CIB4: variants seen among roughly 807,000 people sequenced by gnomAD.
CIB4 encodes the protein calcium and integrin binding family member 4, also known as calcium and integrin-binding family member 4.
CIB4 carries 25 observed loss-of-function variants against 25.8 expected under a neutral mutation model. The ratio of observed to expected loss-of-function variants is 0.97; its 90% CI spans 0.71 to 1.35. The LOEUF (loss-of-function observed/expected upper bound fraction) is 1.35. Ranked by LOEUF, CIB4 falls within the 40% of genes most tolerant of loss-of-function variation. The probability of loss-of-function intolerance (pLI) is 0.00; values close to 1 mark genes in which losing one functional copy is unlikely to be tolerated. For missense variants in CIB4, 235 were observed against 228.2 expected, an observed-to-expected ratio of 1.03 and a Z score of -0.19; for synonymous variants, 75 against 81.4, an observed-to-expected ratio of 0.92 and a Z score of 0.42.
chr2:26,600,359 G>T (rs750366889), intron 3 of CIB4, among the ~76,000 whole-genome samples: 1 of 151,584 alleles, frequency 6.6e-6, no homozygotes, highest in Non-Finnish European at 1.5e-5. Context: ...AGCCGAGATC[G>T]TGCCACTGCA....
chr2:26,595,895 GCGCACACACA>G lies in CIB4; in HGVS notation c.187-588_187-579del, dbSNP rs869165746. Among the ~76,000 whole-genome samples, 12 of 148,522 alleles carry G rather than the reference GCGCACACACA, an allele frequency of 8.1e-5. No homozygotes were observed. The South Asian group carries it at 8.4e-4, about 10-fold the overall frequency. On this transcript the variant is annotated intron_variant, in intron 3 of 6. Transcript: ENST00000288861. ...GATCCATGTCACATGACTTATCTGCGCGCACACACACACACACACACACACACACACACAA... is the reference window on the plus strand; with the variant it reads ...GATCCATGTCACATGACTTATCTGCGCACACACACACACACACACACACAA...
chr2:26,607,825 G>A (rs1055971406), intron 3 of CIB4, among the ~76,000 whole-genome samples: 1 of 152,238 alleles, frequency 6.6e-6, no homozygotes, highest in Non-Finnish European at 1.5e-5. Context: ...CCTGCCTGCC[G>A]GAGGGCAGCA....
chr2:26,630,724 C>A (rs929385302), intron 2 of CIB4, among the ~76,000 whole-genome samples: 2 of 152,092 alleles, frequency 1.3e-5, no homozygotes, highest in African/African-American at 4.8e-5. Flanking sequence ...TAGTAAATCT[C>A]CCCCCACACA....
At chr2:26,635,962 A>T (rs1275925) in intron 2 of CIB4, among the ~76,000 whole-genome samples, 2 of 151,942 alleles carry the variant, frequency 1.3e-5, no homozygotes, top group Non-Finnish European at 2.9e-5. Flanking sequence ...CAAATACTCC[A>T]TACCCCACAC....
intron 3 of CIB4, among the ~76,000 whole-genome samples, chr2:26,620,141 T>C (rs900474284): frequency 8.7e-4 from 93 of 107,478 alleles, no homozygotes; most frequent in Middle Eastern, 7.0e-3. Context: ...AAGCCCACAG[T>C]GGGGAAGGTG....
chr2:26,589,105 T>C lies in CIB4; in HGVS notation c.329-5207A>G, dbSNP rs376294434. Among the ~76,000 whole-genome samples, 86 of 96,792 alleles carry C rather than the reference T, an allele frequency of 8.9e-4. 11 individuals carry two copies. The highest frequency in any genetic ancestry group is 2.7e-3 in the African/African-American group (55 of 20,458). 63.5% of individuals were successfully genotyped at this position (96,792 alleles called of 152,430 possible). ...CTTCTTCTTCTTCTTCTTCTTCTTC[T>C]TCCTCTTCTTCTTCTTCTTCTTCTT... On this transcript the variant is annotated intron_variant, in intron 4 of 6. Transcript: ENST00000288861.
At chr2:26,623,655 A>G in intron 3 of CIB4, 1 of 425,890 alleles carries the variant, frequency 2.3e-6, no homozygotes, top group South Asian at 1.8e-5. Flanking sequence ...TCTGTAACAG[A>G]TGGAATAAAA....
At chr2:26,593,293 T>C (rs986598966) in intron 4 of CIB4, among the ~76,000 whole-genome samples, 3 of 152,020 alleles carry the variant, frequency 2.0e-5, no homozygotes, top group African/African-American at 7.3e-5. Context: ...TTTCTAGATA[T>C]ATATGTAGAG....
rs1003895923 is a variant in CIB4, at chr2:26,612,192, C to G, written c.187-16875G>C. Among the ~76,000 whole-genome samples, 4 of 152,230 alleles carry G rather than the reference C, an allele frequency of 2.6e-5. 1 individual carries two copies. In the South Asian group the frequency reaches 8.3e-4, roughly 32 times the overall value. ...GGCTGAACCCAGGCAGAGCTGAACT[C>G]CTGGCTCCCAGACCCAGTGAGGGGC... On this transcript the variant is annotated intron_variant, in intron 3 of 6. Coordinates refer to ENST00000288861, the MANE Select transcript of CIB4 (RefSeq NM_001029881.3).
At chr2:26,606,084 A>G (rs1668884213) in intron 3 of CIB4, among the ~76,000 whole-genome samples, 1 of 152,194 alleles carries the variant, frequency 6.6e-6, no homozygotes, top group Admixed American at 6.5e-5. Flanking sequence ...TCCTTTGGGA[A>G]TGAAGACACA....
chr2:26,617,147 T>TGTGTGTGTGTGTGC lies in CIB4; in HGVS notation c.186+12262_186+12263insGCACACACACACAC, dbSNP rs10665609. ...GTGTGTGTGTGTGTGTGTGTGTGTG[T>TGTGTGTGTGTGTGC]GCACGTGAGCGTGGGTGGGCATGAT... On this transcript the variant is annotated intron_variant, in intron 3 of 6. Coordinates refer to ENST00000288861, the MANE Select transcript of CIB4 (RefSeq NM_001029881.3). 1.7e-3 allele frequency among the ~76,000 whole-genome samples: 253 copies of TGTGTGTGTGTGTGC among 150,520 alleles called. 2 individuals are homozygous for TGTGTGTGTGTGTGC. Among genetic ancestry groups the TGTGTGTGTGTGTGC allele is most frequent in the African/African-American group, 5.7e-3 (233 of 40,760 alleles).
chr2:26,595,084 C>T (rs932209211), intron 4 of CIB4, 92 bp downstream of exon 4: 25 of 1,263,262 alleles, frequency 2.0e-5, no homozygotes, highest in Non-Finnish European at 2.7e-5. Context: ...CCAGTTAATG[C>T]CATCCATCAA....
chr2:26,601,802 C>T (rs901211009), intron 3 of CIB4, among the ~76,000 whole-genome samples: 4 of 152,130 alleles, frequency 2.6e-5, no homozygotes, highest in Non-Finnish European at 5.9e-5. Flanking sequence ...CAATGGAATA[C>T]TACTCAGCAA....
chr2:26,589,051 TTCTTCTTCCTCTTCCTCTTCC>T (rs1558554791), intron 4 of CIB4, among the ~76,000 whole-genome samples: 44 of 51,376 alleles, frequency 8.6e-4, no homozygotes, highest in African/African-American at 2.7e-3. Context: ...CTTCTTCTTC[TTCTTCTTCCTCTTCCTCTTCC>T]TCTTCTTCTT....
chr2:26,588,890 CT>C (rs1169719244), intron 4 of CIB4, among the ~76,000 whole-genome samples: 1 of 152,082 alleles, frequency 6.6e-6, no homozygotes, highest in African/African-American at 2.4e-5. Context: ...ACCAGAGTGT[CT>C]CTCAGAGCAG....
intron 4 of CIB4, among the ~76,000 whole-genome samples, chr2:26,589,039 TTCTTCTTCTTCTTCTTCTTCC>T (rs1668517941): frequency 8.7e-5 from 4 of 45,734 alleles, no homozygotes; most frequent in African/African-American, 2.8e-4. Context: ...CTTCTTCTTC[TTCTTCTTCTTCTTCTTCTTCC>T]TCTTCCTCTT....
At chr2:26,590,206 A>G (rs917876713) in intron 4 of CIB4, among the ~76,000 whole-genome samples, 1 of 149,652 alleles carries the variant, frequency 6.7e-6, no homozygotes, top group East Asian at 2.0e-4. Context: ...AGGGACCAGG[A>G]CATACCCAAT....
intron 5 of CIB4, 57 bp downstream of exon 5, chr2:26,583,732 G>A (rs953276649): frequency 8.4e-7 from 1 of 1,190,138 alleles, no homozygotes; most frequent in African/African-American, 1.5e-5. Context: ...GGCTTTGGGT[G>A]ACAACCTGGC....
At chr2:26,583,265 T>C (rs1668386864) in intron 5 of CIB4, among the ~76,000 whole-genome samples, 1 of 152,190 alleles carries the variant, frequency 6.6e-6, no homozygotes, top group Admixed American at 6.5e-5. Context: ...TATGGTTTTA[T>C]CTTCTAGTCC....
Sources: gnomAD v4.1 joint callset for allele counts (sites outside exome capture counted in the v4.1 genomes callset) on GRCh38, gnomAD v4.1.1 for gene constraint, MANE v1.5 for transcripts, NCBI Gene and HGNC (gene_info 2026-07-23, HGNC 2026-07-21) for gene names.